The following PCDHGA5 variants were observed in gnomAD, a reference collection of about 807,000 sequenced individuals.
PCDHGA5 encodes the protein protocadherin gamma-A5.
Under a neutral mutation model 56.7 loss-of-function variants are expected in PCDHGA5, and 36 were observed. The ratio of observed to expected loss-of-function variants is 0.64; its 90% CI spans 0.49 to 0.84. The LOEUF is 0.84. Ranked by LOEUF, PCDHGA5 falls within the 40% of genes least tolerant of loss-of-function variation. The probability of loss-of-function intolerance (pLI) is 0.00; values close to 1 mark genes in which losing one functional copy is unlikely to be tolerated. For missense variants in PCDHGA5, 1,305 were observed against 1,201.5 expected, an observed-to-expected ratio of 1.09 and a Z score of -1.27; for synonymous variants, 563 against 520.2, an observed-to-expected ratio of 1.08 and a Z score of -1.12.
chr5:141,440,103 A>G (rs1391819927), intron 1 of PCDHGA5: 1 of 152,222 alleles, frequency 6.6e-6, no homozygotes, highest in Non-Finnish European at 1.5e-5. Flanking sequence ...GAAAGTGGAG[A>G]CTTACTTGTG....
Position 141,485,563 on chromosome 5 carries a change from C to T in PCDHGA5, c.2422-9244C>T, listed in dbSNP as rs746689576. The T allele has an allele frequency of 1.2e-5, 19 of 1,612,904 alleles. No homozygotes were observed. In the South Asian group the frequency reaches 1.6e-4, roughly 14 times the overall value. ...AGATCGTAGATGTGAATGATCACGCCCCCCGTTTTCCGCGGCAGCAGCTGG... is the reference window on the plus strand; with the variant it reads ...AGATCGTAGATGTGAATGATCACGCTCCCCGTTTTCCGCGGCAGCAGCTGG... On this transcript the variant is annotated intron_variant, in intron 1 of 3. Coordinates refer to ENST00000518069, the MANE Select transcript of PCDHGA5 (RefSeq NM_018918.3). This position sits in a 1 kb window ranked among gnomAD's most constrained non-coding sequence, Gnocchi z 5.7.
In PCDHGA5 at chr5:141,487,762, T is replaced by C; in HGVS notation, c.2422-7045T>C. 6.5e-7 allele frequency: 1 copy of C among 1,545,432 alleles called. No homozygotes were observed. The highest frequency in any genetic ancestry group is 8.8e-7 in the Non-Finnish European group (1 of 1,142,332). ...TAAGAGGTAACTATGTGGTAGACGC[T>C]GTGCTTTGTAACTGTTTCGTGAATT... On this transcript the variant is annotated intron_variant, in intron 1 of 3. Coordinates refer to ENST00000518069, the MANE Select transcript of PCDHGA5 (RefSeq NM_018918.3). The surrounding 1 kb of genome is among the most constrained non-coding windows in gnomAD (Gnocchi z 5.0).
intron 1 of PCDHGA5, chr5:141,375,169 A>G: frequency 6.2e-7 from 1 of 1,614,010 alleles, no homozygotes; most frequent in South Asian, 1.1e-5. Flanking sequence ...GTGCACCTCC[A>G]GGAACAGTAA....
chr5:141,510,420 G>T (rs1275392355), intron 3 of PCDHGA5, among the ~76,000 whole-genome samples: 3 of 152,126 alleles, frequency 2.0e-5, no homozygotes, highest in African/African-American at 7.2e-5. Flanking sequence ...TAAAGCCATG[G>T]TTTCATGGCT....
At chr5:141,473,168 A>G (rs1026233643) in intron 1 of PCDHGA5, among the ~76,000 whole-genome samples, 2 of 152,218 alleles carry the variant, frequency 1.3e-5, no homozygotes, top group Admixed American at 1.3e-4. Context: ...AGGAAGGCCC[A>G]CTGGTAACTT....
rs189408749 is a variant in PCDHGA5 at position 141,383,405 on chromosome 5, G to T, written c.2421+16654G>T. On this transcript the variant is annotated intron_variant, in intron 1 of 3. Transcript: ENST00000518069. ...GATGTGGGCACGAACTCCCTCCAGAGTTACCAGCTCAGCCCCAATCGCCAC... is the reference window on the plus strand; with the variant it reads ...GATGTGGGCACGAACTCCCTCCAGATTTACCAGCTCAGCCCCAATCGCCAC... The T allele has an allele frequency of 1.2e-4, 200 of 1,613,898 alleles. No individual in the cohort carries two copies. Among genetic ancestry groups the T allele is most frequent in the South Asian group, 4.4e-5 (4 of 91,084 alleles).
chr5:141,394,500 C>T, intron 1 of PCDHGA5: 2 of 1,614,242 alleles, frequency 1.2e-6, no homozygotes, highest in Non-Finnish European at 8.5e-7. Context: ...GCCCGAGATC[C>T]TGTACCCCGC....
At chr5:141,504,303 G>A (rs1157625808) in intron 2 of PCDHGA5, among the ~76,000 whole-genome samples, 4 of 151,938 alleles carry the variant, frequency 2.6e-5, no homozygotes, top group Admixed American at 2.6e-4. Context: ...TTCAACACTC[G>A]GAGTTTCTAA....
At chr5:141,492,256 A>G (rs1323720621) in intron 1 of PCDHGA5, among the ~76,000 whole-genome samples, 1 of 151,974 alleles carries the variant, frequency 6.6e-6, no homozygotes, top group Non-Finnish European at 1.5e-5. Context: ...CGGCCCACAC[A>G]AGTTGCACGG....
At chr5:141,370,542 C>A in intron 1 of PCDHGA5, 1 of 1,613,902 alleles carries the variant, frequency 6.2e-7, no homozygotes, top group Non-Finnish European at 8.5e-7. Flanking sequence ...GGTAGGGAAC[C>A]TCGCCAAGGA....
intron 1 of PCDHGA5, among the ~76,000 whole-genome samples, chr5:141,438,614 A>G (rs1208036297): frequency 5.8e-5 from 2 of 34,396 alleles, no homozygotes. Context: ...ATATATATAT[A>G]TATATATATA....
chr5:141,500,258 G>A lies in PCDHGA5; in HGVS notation c.2481-5135G>A, dbSNP rs2099798463. On this transcript the variant is annotated intron_variant, in intron 2 of 3. Coordinates refer to ENST00000518069, the MANE Select transcript of PCDHGA5 (RefSeq NM_018918.3). ...TAGCCTTGCTCTGTCACCCAGGCTG[G>A]ACTGCAGTGGCGCAATCTCGGCTCA... Among the ~76,000 whole-genome samples the A allele has an allele frequency of 2.0e-5, 3 of 150,738 alleles. No homozygotes were observed. In the South Asian group the frequency reaches 6.3e-4, roughly 32 times the overall value.
intron 1 of PCDHGA5, among the ~76,000 whole-genome samples, chr5:141,474,312 T>G (rs1358237994): frequency 6.6e-6 from 1 of 152,228 alleles, no homozygotes; most frequent in African/African-American, 2.4e-5. Flanking sequence ...AACTTTAATG[T>G]GTTTTCAAAT....
chr5:141,382,029 A>G (rs574099831), intron 1 of PCDHGA5, among the ~76,000 whole-genome samples: 1 of 151,502 alleles, frequency 6.6e-6, no homozygotes, highest in Non-Finnish European at 1.5e-5. Context: ...GGGTTTCTCC[A>G]TGTTGGTCAG....
chr5:141,432,863 T>C lies in PCDHGA5; in HGVS notation c.2422-61944T>C, dbSNP rs762979829. On this transcript the variant is annotated intron_variant, in intron 1 of 3. Coordinates refer to ENST00000518069, the MANE Select transcript of PCDHGA5 (RefSeq NM_018918.3). This position sits in a 1 kb window ranked among gnomAD's most constrained non-coding sequence, Gnocchi z 6.0. ...GGTGGTAGCGGTGGCCGCGGTCTCCTGCGTCTTCCTGGCCTTCGTCATCTT... is the reference window on the plus strand; with the variant it reads ...GGTGGTAGCGGTGGCCGCGGTCTCCCGCGTCTTCCTGGCCTTCGTCATCTT... 20 of 1,614,192 alleles carry C rather than the reference T, an allele frequency of 1.2e-5. No individual in the cohort carries two copies. Among genetic ancestry groups the C allele is most frequent in the Admixed American group, 6.7e-5 (4 of 60,032 alleles).
chr5:141,494,182 C>T (rs188628485), intron 1 of PCDHGA5, among the ~76,000 whole-genome samples: 132 of 152,244 alleles, frequency 8.7e-4, no homozygotes, highest in African/African-American at 3.1e-3. Flanking sequence ...AGAAGTGTCC[C>T]GGGACTTGGA....
In PCDHGA5 at chr5:141,474,958, C is replaced by T. The variant is rs114469479; in HGVS notation, c.2422-19849C>T. On this transcript the variant is annotated intron_variant, in intron 1 of 3. Transcript: ENST00000518069. ...CACAGTGGACTCTTTTATTCACTAT[C>T]CTAATCATTATAATTTTGTTTGGTG... is the stretch of plus-strand genomic sequence containing the variant. Among the ~76,000 whole-genome samples the T allele has an allele frequency of 4.4e-3, 666 of 152,340 alleles. 6 individuals are homozygous for T. The highest frequency in any genetic ancestry group is 0.015 in the African/African-American group (634 of 41,572).
chr5:141,433,367 C>CTATA, intron 1 of PCDHGA5: 2 of 549,818 alleles, frequency 3.6e-6, no homozygotes, highest in South Asian at 4.5e-5. Flanking sequence ...GCCTATCTAT[C>CTATA]TATCTATCTA....
intron 1 of PCDHGA5, among the ~76,000 whole-genome samples, chr5:141,443,131 A>G (rs1042010214): frequency 7.2e-5 from 11 of 152,144 alleles, no homozygotes; most frequent in Non-Finnish European, 1.6e-4. Context: ...GATTAAGAAC[A>G]CTATCATAAG....
Sources: allele counts gnomAD v4.1 joint callset (sites outside exome capture counted in the v4.1 genomes callset), GRCh38; gene constraint gnomAD v4.1.1; non-coding constraint Gnocchi (gnomAD v3.1); transcripts MANE v1.5; gene names NCBI Gene and HGNC (gene_info 2026-07-23, HGNC 2026-07-21).